GRIK2: variants seen among roughly 807,000 people sequenced by gnomAD.
The protein encoded by GRIK2 is glutamate receptor ionotropic, kainate 2.
GRIK2 carries 32 observed loss-of-function variants against 100.3 expected under a neutral mutation model. The observed-to-expected ratio is 0.32, with a 90% confidence interval of 0.24 to 0.43. The LOEUF (loss-of-function observed/expected upper bound fraction) is 0.43. Among genes scored for constraint, GRIK2 ranks in the 20% least tolerant of loss-of-function variants. The pLI, the probability that GRIK2 is intolerant of heterozygous loss-of-function variation, is 1.00. For synonymous variants in GRIK2, 417 were observed against 389.4 expected, an observed-to-expected ratio of 1.07 and a Z score of -0.83; for missense variants, 843 against 1,114.9, an observed-to-expected ratio of 0.76 and a Z score of 3.47.
chr6:102,013,756 A>C (rs969317037), intron 14 of GRIK2, among the ~76,000 whole-genome samples: 8 of 152,188 alleles, frequency 5.3e-5, no homozygotes, highest in Admixed American at 3.3e-4. Flanking sequence ...ATGCTGAACC[A>C]ACCTTGAATC....
chr6:102,061,990 C>T (rs1237829558), intron 16 of GRIK2, among the ~76,000 whole-genome samples: 2 of 149,114 alleles, frequency 1.3e-5, no homozygotes, highest in South Asian at 2.1e-4. Flanking sequence ...ATGCATTTCA[C>T]AGCTATATTG....
At chr6:101,449,595 A>T (rs1313955434) in intron 2 of GRIK2, among the ~76,000 whole-genome samples, 1 of 151,836 alleles carries the variant, frequency 6.6e-6, no homozygotes, top group Non-Finnish European at 1.5e-5. Flanking sequence ...GTTGTGAATT[A>T]TGATTGGACA....
At chr6:101,470,696 C>T (rs1328914289) in intron 2 of GRIK2, among the ~76,000 whole-genome samples, 2 of 152,052 alleles carry the variant, frequency 1.3e-5, no homozygotes, top group Non-Finnish European at 2.9e-5. Flanking sequence ...AGTCTTTGTC[C>T]TCAGTCTGTA....
chr6:101,546,819 CTTTTTTTTT>C (rs1169622526), intron 2 of GRIK2, among the ~76,000 whole-genome samples: 1 of 76,886 alleles, frequency 1.3e-5, no homozygotes, highest in Non-Finnish European at 2.7e-5. Flanking sequence ...GTTTTTGTTT[CTTTTTTTTT>C]TTTTTTTTTT....
intron 7 of GRIK2, among the ~76,000 whole-genome samples, chr6:101,690,374 C>A (rs929563679): frequency 1.3e-5 from 2 of 152,084 alleles, no homozygotes; most frequent in Non-Finnish European, 2.9e-5. Context: ...TGGACACCAA[C>A]CGCTATCTCC....
At chr6:101,695,463 G>A (rs1001281961) in intron 7 of GRIK2, among the ~76,000 whole-genome samples, 1 of 152,034 alleles carries the variant, frequency 6.6e-6, no homozygotes, top group Non-Finnish European at 1.5e-5. Context: ...ACCATAGCAC[G>A]CACTTTTGTG....
intron 15 of GRIK2, among the ~76,000 whole-genome samples, chr6:102,045,677 A>G (rs1770849035): frequency 6.6e-6 from 1 of 152,098 alleles, no homozygotes; most frequent in African/African-American, 2.4e-5. Flanking sequence ...ATCATAATAA[A>G]CAACCCCACT....
At chr6:101,809,397 T>C in intron 9 of GRIK2, among the ~76,000 whole-genome samples, 1 of 152,046 alleles carries the variant, frequency 6.6e-6, no homozygotes, top group East Asian at 1.9e-4. Flanking sequence ...TTCTTTTACT[T>C]GTTGACTCCT....
intron 7 of GRIK2, among the ~76,000 whole-genome samples, chr6:101,779,606 C>T (rs183243161): frequency 2.3e-4 from 35 of 152,300 alleles, no homozygotes; most frequent in African/African-American, 8.2e-4. Context: ...AGGCAGCCCA[C>T]ATTCCAGTTG....
intron 4 of GRIK2, among the ~76,000 whole-genome samples, chr6:101,640,153 T>C (rs1449496078): frequency 6.6e-6 from 1 of 152,186 alleles, no homozygotes; most frequent in Non-Finnish European, 1.5e-5. Flanking sequence ...GAATAAAATA[T>C]CTGGGCTACT....
At chr6:101,514,426 A>T (rs547957172) in intron 2 of GRIK2, among the ~76,000 whole-genome samples, 1 of 152,216 alleles carries the variant, frequency 6.6e-6, no homozygotes, top group African/African-American at 2.4e-5. Flanking sequence ...ATATGGAGAC[A>T]GGGAAGGGAG....
chr6:102,031,127 A>ACACC (rs1313794193), intron 14 of GRIK2, among the ~76,000 whole-genome samples: 2 of 57,686 alleles, frequency 3.5e-5, no homozygotes, highest in Non-Finnish European at 9.0e-5. Flanking sequence ...ACACACACAC[A>ACACC]CCCCCTTTGA....
At position 101,827,496 on chromosome 6, in the gene GRIK2, A is replaced by C. The variant is rs187529343; in HGVS notation, c.1317+9013A>C. Among the ~76,000 whole-genome samples, 735 of 151,910 alleles carry C rather than the reference A, an allele frequency of 4.8e-3. 4 individuals carry two copies. The highest frequency in any genetic ancestry group is 0.027 in the Middle Eastern group (8 of 292). Reference sequence around the variant, plus strand: ...AAAAAACAAAACAAAACAAAAAAAAACCAATATCAGTCTTTCTGCTATCTT... The same window carrying C: ...AAAAAACAAAACAAAACAAAAAAAACCCAATATCAGTCTTTCTGCTATCTT... On this transcript the variant is annotated intron_variant, in intron 10 of 16. Transcript: ENST00000369134.
chr6:101,828,506 A>G (rs1458753243), intron 10 of GRIK2, among the ~76,000 whole-genome samples: 1 of 151,940 alleles, frequency 6.6e-6, no homozygotes, highest in Admixed American at 6.6e-5. Flanking sequence ...AAGGATAACA[A>G]CATTGATATA....
intron 15 of GRIK2, among the ~76,000 whole-genome samples, chr6:102,043,176 G>T (rs2518148): frequency 0.32 from 47,890 of 151,444 alleles, 7,624 homozygotes; most frequent in African/African-American, 0.36. Flanking sequence ...AAACTAAACA[G>T]TTATAATGTG....
intron 2 of GRIK2, among the ~76,000 whole-genome samples, chr6:101,465,776 T>C (rs982107427): frequency 1.1e-4 from 17 of 152,228 alleles, no homozygotes; most frequent in Non-Finnish European, 2.2e-4. Flanking sequence ...ACCGATGTTA[T>C]TTATTTAAAT....
chr6:101,617,606 T>C (rs1779952711), intron 2 of GRIK2, among the ~76,000 whole-genome samples: 1 of 151,810 alleles, frequency 6.6e-6, no homozygotes, highest in South Asian at 2.1e-4. Context: ...ATTGAGCCAG[T>C]TTGTCTTTTT....
intron 14 of GRIK2, among the ~76,000 whole-genome samples, chr6:102,004,457 C>T (rs1022323710): frequency 2.6e-5 from 4 of 151,788 alleles, no homozygotes; most frequent in Admixed American, 6.6e-5. Context: ...GATCTGGTCT[C>T]ATTTGTCCAC....
intron 10 of GRIK2, among the ~76,000 whole-genome samples, chr6:101,838,023 A>C (rs929700915): frequency 6.6e-5 from 10 of 152,006 alleles, no homozygotes; most frequent in African/African-American, 2.4e-4. Flanking sequence ...TAAGACTCTC[A>C]TCTGAGAGGT....
Sources: gnomAD v4.1 joint callset for allele counts (sites outside exome capture counted in the v4.1 genomes callset) on GRCh38, gnomAD v4.1.1 for gene constraint, MANE v1.5 for transcripts, NCBI Gene and HGNC (gene_info 2026-07-23, HGNC 2026-07-21) for gene names.